Variants in FREM1 observed in about 807,000 individuals in gnomAD.
FREM1 encodes the protein FRAS1 related extracellular matrix 1.
FREM1 carries 220 observed loss-of-function variants against 210.1 expected under a neutral mutation model. The ratio of observed to expected loss-of-function variants is 1.05; its 90% CI spans 0.94 to 1.17. The LOEUF is 1.17. Among genes scored for constraint, FREM1 ranks in the 50% most tolerant of loss-of-function variants. The probability of loss-of-function intolerance (pLI) is 0.00; values close to 1 mark genes in which losing one functional copy is unlikely to be tolerated. For synonymous variants in FREM1, 1,189 were observed against 980.2 expected, an observed-to-expected ratio of 1.21 and a Z score of -3.98; for missense variants, 3,454 against 2,675.5, an observed-to-expected ratio of 1.29 and a Z score of -6.42.
At chr9:14,893,167 C>G (rs912285418) in intron 1 of FREM1, among the ~76,000 whole-genome samples, 5 of 125,624 alleles carry the variant, frequency 4.0e-5, no homozygotes, top group Non-Finnish European at 6.4e-5. Flanking sequence ...TGACTTCTCT[C>G]TTTCTCTCTC....
At chr9:14,815,844 C>T (rs11998793) in intron 15 of FREM1, among the ~76,000 whole-genome samples, 4,690 of 152,186 alleles carry the variant, frequency 0.031, 214 homozygotes, top group African/African-American at 0.1. Context: ...GACAGGGTTT[C>T]GCCATTTTGG....
intron 14 of FREM1, among the ~76,000 whole-genome samples, chr9:14,817,584 C>A (rs759684152): frequency 6.6e-6 from 1 of 152,150 alleles, no homozygotes; most frequent in Middle Eastern, 3.2e-3. Flanking sequence ...TTCTAAGGAG[C>A]TGCTGAAGTG....
Position 14,857,570 on chromosome 9 carries a change from T to C in FREM1, c.811A>G (p.Ser271Gly), listed in dbSNP as rs1829014159. Residue 271 changes from serine to glycine, a missense_variant, in exon 5 of 37, where the codon AGC becomes GGC. Coordinates refer to ENST00000380880, the MANE Select transcript of FREM1 (RefSeq NM_001379081.2). The part of the protein sequence containing the change: ...SIQLDLTDTR[S>G]KIVYKSESAW... ...AACTCTACCTTGTACACAATTTTGC[T>C]CCTGGTATCTGTGAGGTCCAGTTGG... 2 of 1,613,416 alleles carry C rather than the reference T, an allele frequency of 1.2e-6. No individual in the cohort carries two copies. The highest frequency in any genetic ancestry group is 2.7e-5 in the African/African-American group (2 of 74,896).
At chr9:14,799,668 T>A (rs1338687970) in intron 20 of FREM1, among the ~76,000 whole-genome samples, 2 of 152,072 alleles carry the variant, frequency 1.3e-5, no homozygotes, top group Non-Finnish European at 1.5e-5. Flanking sequence ...GAAAAAAAAA[T>A]TTTAAACAAT....
chr9:14,751,375 G>A (rs1380806409), intron 29 of FREM1, among the ~76,000 whole-genome samples: 1 of 152,134 alleles, frequency 6.6e-6, no homozygotes, highest in Non-Finnish European at 1.5e-5. Context: ...TTGGCCGGGT[G>A]CAGTGGTAAA....
intron 10 of FREM1, among the ~76,000 whole-genome samples, chr9:14,834,625 C>T (rs945034742): frequency 6.6e-6 from 1 of 152,140 alleles, no homozygotes; most frequent in South Asian, 2.1e-4. Flanking sequence ...TGGAAATTAT[C>T]CTTCCTGATG....
intron 20 of FREM1, among the ~76,000 whole-genome samples, chr9:14,798,775 G>T (rs1049272302): frequency 6.6e-6 from 1 of 152,030 alleles, no homozygotes; most frequent in East Asian, 1.9e-4. Context: ...CTGGGTTCAA[G>T]CGATTCTCAT....
At chr9:14,822,338 C>T (rs77211151) in intron 13 of FREM1, among the ~76,000 whole-genome samples, 2,667 of 152,206 alleles carry the variant, frequency 0.018, 68 homozygotes, top group African/African-American at 0.062. Flanking sequence ...TGCCCCACAA[C>T]CTTGGGCAGG....
intron 21 of FREM1, among the ~76,000 whole-genome samples, chr9:14,795,189 C>G (rs1162502735): frequency 6.6e-6 from 1 of 152,028 alleles, no homozygotes; most frequent in African/African-American, 2.4e-5. Context: ...TAGCACTTAC[C>G]ACGTAGTAGC....
chr9:14,800,355 G>T (rs1206371324), intron 20 of FREM1, among the ~76,000 whole-genome samples: 1 of 152,104 alleles, frequency 6.6e-6, no homozygotes, highest in Non-Finnish European at 1.5e-5. Context: ...AAGGAGAATG[G>T]GAGGAAGCAG....
intron 27 of FREM1, 120 bp downstream of exon 27, chr9:14,769,604 G>T: frequency 9.6e-7 from 1 of 1,046,916 alleles, no homozygotes; most frequent in Non-Finnish European, 1.4e-6. Flanking sequence ...ATGAGCTTGT[G>T]AAATGGTCTA....
At chr9:14,886,655 G>T (rs1835869897) in intron 1 of FREM1, among the ~76,000 whole-genome samples, 1 of 151,882 alleles carries the variant, frequency 6.6e-6, no homozygotes. Flanking sequence ...CAACATTTTG[G>T]GAGGCCAAGG....
intron 5 of FREM1, 151 bp from the exon 6 acceptor site, chr9:14,851,758 T>C: frequency 1.4e-6 from 1 of 691,136 alleles, no homozygotes; most frequent in South Asian, 1.7e-5. Context: ...CTGGGGAGCT[T>C]TAAACACATG....
chr9:14,890,607 A>G (rs1234524803), intron 1 of FREM1, among the ~76,000 whole-genome samples: 5 of 152,210 alleles, frequency 3.3e-5, no homozygotes, highest in African/African-American at 1.2e-4. Context: ...GAGACTTAAA[A>G]TGACTAAAAT....
rs1818487669 is a variant in FREM1, at chr9:14,910,196, G to A, written c.-550C>T. On this transcript the variant is annotated 5_prime_UTR_variant, in exon 1 of 37. Coordinates refer to ENST00000380880, the MANE Select transcript of FREM1 (RefSeq NM_001379081.2). Reference sequence around the variant, plus strand: ...GCTGGTCTTCTCCAAGGCAGCTGCTGCAGCTTTGCAAACTTCCTGAGCGCC... The same window carrying A: ...GCTGGTCTTCTCCAAGGCAGCTGCTACAGCTTTGCAAACTTCCTGAGCGCC... 6.6e-6 allele frequency: 1 copy of A among 152,326 alleles called. No homozygotes were observed. The highest frequency in any genetic ancestry group is 6.5e-5 in the Admixed American group (1 of 15,288). The allele number at this position is 152,326 out of a possible 1,614,324, so 9.4% of individuals were successfully genotyped here.
chr9:14,778,874 C>G (rs1849182398), intron 24 of FREM1, among the ~76,000 whole-genome samples: 1 of 151,674 alleles, frequency 6.6e-6, no homozygotes, highest in Non-Finnish European at 1.5e-5. Context: ...AAAAGCCCAT[C>G]TTAAAAAAAG....
At chr9:14,762,744 T>C (rs2132319467) in intron 27 of FREM1, among the ~76,000 whole-genome samples, 1 of 141,110 alleles carries the variant, frequency 7.1e-6, no homozygotes, top group South Asian at 2.3e-4. Flanking sequence ...ACAATATATG[T>C]TTTGAATGTG....
intron 1 of FREM1, among the ~76,000 whole-genome samples, chr9:14,895,601 G>C (rs1198668707): frequency 6.6e-6 from 1 of 151,942 alleles, no homozygotes; most frequent in Non-Finnish European, 1.5e-5. Flanking sequence ...GTTTACTTGG[G>C]ATAATTTACT....
At chr9:14,780,055 G>C (rs1849402308) in intron 24 of FREM1, among the ~76,000 whole-genome samples, 1 of 152,138 alleles carries the variant, frequency 6.6e-6, no homozygotes, top group Non-Finnish European at 1.5e-5. Flanking sequence ...TGATCAATCA[G>C]ATGGTCTTCC....
Sources: gnomAD v4.1 joint callset for allele counts (sites outside exome capture counted in the v4.1 genomes callset) on GRCh38, gnomAD v4.1.1 for gene constraint, MANE v1.5 for transcripts, NCBI Gene and HGNC (gene_info 2026-07-23, HGNC 2026-07-21) for gene names.